Variants in GRIP1 observed in about 807,000 individuals in gnomAD.
The protein encoded by GRIP1 is glutamate receptor interacting protein 1, also known as glutamate receptor-interacting protein 1.
In GRIP1, 45 loss-of-function variants were observed where a neutral mutation model predicts 129.9. The ratio of observed to expected loss-of-function variants is 0.35; its 90% CI spans 0.27 to 0.44. The LOEUF is 0.44. GRIP1 is among the 20% of genes least tolerant of loss of function. The probability of loss-of-function intolerance (pLI) is 1.00; values close to 1 mark genes in which losing one functional copy is unlikely to be tolerated. For missense variants in GRIP1, 1,196 were observed against 1,396.8 expected (o/e 0.86, Z 2.29); for synonymous variants, 530 against 520.8 (o/e 1.02, Z -0.24).
At chr12:66,381,305 T>C (rs1258243723) in intron 19 of GRIP1, among the ~76,000 whole-genome samples, 2 of 152,248 alleles carry the variant, frequency 1.3e-5, no homozygotes, top group African/African-American at 2.4e-5. Flanking sequence ...AGAAGTCTTA[T>C]GAATGCAGTT....
At chr12:66,523,286 C>T (rs1373520804) in intron 5 of GRIP1, among the ~76,000 whole-genome samples, 3 of 150,574 alleles carry the variant, frequency 2.0e-5, no homozygotes, top group South Asian at 2.1e-4. Context: ...AGAGAAAGGT[C>T]GGGTTACCCA....
intron 23 of GRIP1, among the ~76,000 whole-genome samples, chr12:66,357,074 G>A (rs1173390268): frequency 5.9e-5 from 9 of 151,984 alleles, no homozygotes; most frequent in Admixed American, 3.3e-4. Context: ...ACAGGGTTTC[G>A]CCATGTTGAC....
intron 23 of GRIP1, among the ~76,000 whole-genome samples, chr12:66,363,200 C>T (rs1795533): frequency 0.061 from 5,392 of 87,742 alleles, 648 homozygotes; most frequent in Admixed American, 0.17. Context: ...TGTGTGTGTC[C>T]ATATATATAT....
chr12:67,048,252 A>G (rs1006400839), intron 1 of GRIP1, among the ~76,000 whole-genome samples: 25 of 152,096 alleles, frequency 1.6e-4, no homozygotes, highest in Admixed American at 1.6e-3. Flanking sequence ...CACAAACGTG[A>G]CAAGATTTTT....
At chr12:66,582,204 A>G (rs1478655628) in intron 2 of GRIP1, among the ~76,000 whole-genome samples, 4 of 150,690 alleles carry the variant, frequency 2.7e-5, no homozygotes, top group African/African-American at 9.8e-5. Context: ...AAAATTCAAC[A>G]ACCCTTCATG....
chr12:66,675,433 G>C (rs1341644813), intron 1 of GRIP1, among the ~76,000 whole-genome samples: 1 of 152,106 alleles, frequency 6.6e-6, no homozygotes, highest in African/African-American at 2.4e-5. Context: ...TGCATATGAG[G>C]CCAAACTGTC....
At chr12:66,884,988 C>T (rs1233898862) in intron 1 of GRIP1, among the ~76,000 whole-genome samples, 2 of 152,090 alleles carry the variant, frequency 1.3e-5, no homozygotes, top group African/African-American at 2.4e-5. Flanking sequence ...CTTGATTTTC[C>T]CTTGTAAGAG....
At chr12:66,443,519 A>G (rs1025852514) in intron 13 of GRIP1, among the ~76,000 whole-genome samples, 1 of 146,730 alleles carries the variant, frequency 6.8e-6, no homozygotes, top group Non-Finnish European at 1.5e-5. Flanking sequence ...CAGTGGTGTG[A>G]TCTCAGCTCA....
chr12:66,831,169 T>A (rs1205305942), intron 1 of GRIP1, among the ~76,000 whole-genome samples: 1 of 152,106 alleles, frequency 6.6e-6, no homozygotes, highest in Non-Finnish European at 1.5e-5. Context: ...AGGAACCATC[T>A]GAAACTATTG....
chr12:66,711,038 T>C (rs2035696062), intron 1 of GRIP1, among the ~76,000 whole-genome samples: 1 of 151,860 alleles, frequency 6.6e-6, no homozygotes, highest in South Asian at 2.1e-4. Flanking sequence ...GAGAGTATCT[T>C]TTCCTTCATT....
At chr12:66,390,133 C>T (rs1175587979) in intron 19 of GRIP1, among the ~76,000 whole-genome samples, 1 of 152,174 alleles carries the variant, frequency 6.6e-6, no homozygotes, top group Non-Finnish European at 1.5e-5. Flanking sequence ...CAACCTGTCA[C>T]CTTGGGCATT....
At chr12:66,577,252 C>G (rs1210036123) in intron 2 of GRIP1, among the ~76,000 whole-genome samples, 1 of 152,110 alleles carries the variant, frequency 6.6e-6, no homozygotes, top group Non-Finnish European at 1.5e-5. Flanking sequence ...CAGTGGGTAG[C>G]GGTTCAAGAT....
rs2058930846 is a variant in GRIP1 at position 66,455,480 on chromosome 12, C to T, written c.1283G>A (p.Ser428Asn). 1 of 1,613,760 alleles carries T rather than the reference C, an allele frequency of 6.2e-7. No individual in the cohort carries two copies. Among genetic ancestry groups the T allele is most frequent in the South Asian group, 1.1e-5 (1 of 91,074 alleles). ...SSLNMGTLPR[S>N]LYSTSPRGTM... Reference sequence around the variant, plus strand: ...TCCACGTGGGCTGGTGGAGTAGAGGCTTCGAGGTAGAGTCCCCATGTTCAG... The same window carrying T: ...TCCACGTGGGCTGGTGGAGTAGAGGTTTCGAGGTAGAGTCCCCATGTTCAG... Residue 428 changes from serine to asparagine, a missense_variant, in exon 11 of 25, where the codon AGC becomes AAC. This residue lies in a region of GRIP1 where 508 missense variants were observed against 587.0 expected (regional missense o/e 0.87). Coordinates refer to ENST00000359742, the MANE Select transcript of GRIP1 (RefSeq NM_001366722.1).
rs71436004 is a variant in GRIP1, at chr12:66,397,110, CAAAAAAAAAAA to C, written c.1985-2769_1985-2759del. ...TGGGCGATGGAGCGAGACTCTGTCT[CAAAAAAAAAAA>C]AAAAAAAAAAAAAGAGAAAAGGGAG... On this transcript the variant is annotated intron_variant, in intron 16 of 24. Coordinates refer to ENST00000359742, the MANE Select transcript of GRIP1 (RefSeq NM_001366722.1). Among the ~76,000 whole-genome samples, 17 of 60,218 alleles carry C rather than the reference CAAAAAAAAAAA, an allele frequency of 2.8e-4. 1 individual carries two copies. The highest frequency in any genetic ancestry group is 2.1e-3 in the South Asian group (2 of 938). The allele number at this position is 60,218 out of a possible 152,430, so 39.5% of individuals were successfully genotyped here.
At chr12:66,458,146 A>C (rs972808500) in intron 9 of GRIP1, among the ~76,000 whole-genome samples, 12 of 152,166 alleles carry the variant, frequency 7.9e-5, no homozygotes, top group African/African-American at 2.2e-4. Flanking sequence ...TAGCCACTAT[A>C]ATTTTGTTAC....
At chr12:66,976,079 T>C (rs2042147476) in intron 1 of GRIP1, among the ~76,000 whole-genome samples, 1 of 152,240 alleles carries the variant, frequency 6.6e-6, no homozygotes, top group African/African-American at 2.4e-5. Flanking sequence ...TTGCATAGGC[T>C]TGGGCTCCAC....
At chr12:66,774,077 T>C (rs1056899442) in intron 1 of GRIP1, among the ~76,000 whole-genome samples, 1 of 152,096 alleles carries the variant, frequency 6.6e-6, no homozygotes, top group South Asian at 2.1e-4. Context: ...AACAGTATAT[T>C]TGACAATGAA....
intron 1 of GRIP1, among the ~76,000 whole-genome samples, chr12:66,626,332 C>A: frequency 8.0e-6 from 1 of 125,258 alleles, no homozygotes; most frequent in Non-Finnish European, 1.8e-5. Context: ...AGAGTAAGAC[C>A]CCATCTCCAA....
At chr12:66,727,212 A>C (rs537863131) in intron 1 of GRIP1, among the ~76,000 whole-genome samples, 1 of 152,282 alleles carries the variant, frequency 6.6e-6, no homozygotes, top group Admixed American at 6.5e-5. Context: ...TACTGCTTCA[A>C]ATTTTTCAGT....
Sources: gnomAD v4.1 joint callset for allele counts (sites outside exome capture counted in the v4.1 genomes callset) on GRCh38, gnomAD v4.1.1 for gene constraint, gnomAD v4.1.1 regional missense constraint, MANE v1.5 for transcripts, NCBI Gene and HGNC (gene_info 2026-07-23, HGNC 2026-07-21) for gene names.